The following PTPRD variants were observed in gnomAD, a reference collection of about 807,000 sequenced individuals.
PTPRD encodes the protein protein tyrosine phosphatase receptor type D, also known as receptor-type tyrosine-protein phosphatase delta.
PTPRD carries 34 observed loss-of-function variants against 214.5 expected under a neutral mutation model. The ratio of observed to expected loss-of-function variants is 0.16; its 90% CI spans 0.12 to 0.21. PTPRD has a LOEUF of 0.21. PTPRD is among the 10% of genes least tolerant of loss of function. The pLI is 1.00. For synonymous variants in PTPRD, 1,128 were observed against 845.7 expected (o/e 1.33, Z -5.79); for missense variants, 2,545 against 2,398.7 (o/e 1.06, Z -1.27).
At chr9:10,339,741 C>G (rs1023629043) in intron 3 of PTPRD, among the ~76,000 whole-genome samples, 1 of 151,646 alleles carries the variant, frequency 6.6e-6, no homozygotes, top group Non-Finnish European at 1.5e-5. Context: ...AACAGGAAAC[C>G]TTGGTCTCAT....
chr9:8,444,035 C>T (rs544386874), intron 34 of PTPRD, among the ~76,000 whole-genome samples: 1 of 152,080 alleles, frequency 6.6e-6, no homozygotes, highest in Middle Eastern at 3.4e-3. Context: ...TTTGAAAAGT[C>T]TGTAATTGGG....
chr9:9,928,744 A>ATC (rs202188021), intron 5 of PTPRD, among the ~76,000 whole-genome samples: 1 of 137,922 alleles, frequency 7.3e-6, no homozygotes, highest in East Asian at 2.3e-4. Context: ...AGTAGCAGTC[A>ATC]TCTCTCTCTC....
intron 14 of PTPRD, among the ~76,000 whole-genome samples, chr9:8,573,981 C>G (rs1401886991): frequency 1.3e-5 from 2 of 151,840 alleles, no homozygotes; most frequent in Non-Finnish European, 2.9e-5. Flanking sequence ...ATTATTCATC[C>G]TTGTATTTTC....
intron 2 of PTPRD, among the ~76,000 whole-genome samples, chr9:10,421,751 T>A (rs545984229): frequency 1.3e-5 from 2 of 152,060 alleles, no homozygotes; most frequent in South Asian, 4.1e-4. Context: ...TTATTTTCGT[T>A]TACTTTATTA....
intron 2 of PTPRD, among the ~76,000 whole-genome samples, chr9:10,568,786 G>C (rs1782030349): frequency 6.6e-6 from 1 of 152,118 alleles, no homozygotes; most frequent in Non-Finnish European, 1.5e-5. Flanking sequence ...ACGGATTAAA[G>C]ACTTAAACGT....
At chr9:9,641,011 G>A (rs990034277) in intron 7 of PTPRD, among the ~76,000 whole-genome samples, 5 of 114,394 alleles carry the variant, frequency 4.4e-5, no homozygotes, top group Non-Finnish European at 6.6e-5. Context: ...ACCTCATATT[G>A]GCAATGCTGG....
intron 9 of PTPRD, among the ~76,000 whole-genome samples, chr9:9,218,390 C>G (rs2099953659): frequency 6.6e-6 from 1 of 152,244 alleles, no homozygotes. Flanking sequence ...AGACTAGTGG[C>G]CATTAGATGA....
chr9:9,759,809 G>T (rs181865661), intron 6 of PTPRD, among the ~76,000 whole-genome samples: 1 of 151,840 alleles, frequency 6.6e-6, no homozygotes. Flanking sequence ...CCCCTGCCTC[G>T]GGCTCCCAAA....
At chr9:9,624,761 C>A (rs2095364631) in intron 7 of PTPRD, among the ~76,000 whole-genome samples, 1 of 151,032 alleles carries the variant, frequency 6.6e-6, no homozygotes, top group Admixed American at 6.6e-5. Context: ...TTCCAGCAGT[C>A]TCAGTTCTCA....
intron 9 of PTPRD, among the ~76,000 whole-genome samples, chr9:9,326,693 A>C (rs1391445501): frequency 6.6e-6 from 1 of 152,118 alleles, no homozygotes; most frequent in Non-Finnish European, 1.5e-5. Context: ...TGAATCCTGA[A>C]ATAAACTAGA....
chr9:9,251,456 T>C (rs548030316), intron 9 of PTPRD, among the ~76,000 whole-genome samples: 3 of 152,242 alleles, frequency 2.0e-5, no homozygotes, highest in East Asian at 3.9e-4. Flanking sequence ...CTTTATTTGG[T>C]AATTCCTTCT....
intron 36 of PTPRD, among the ~76,000 whole-genome samples, chr9:8,393,149 T>C (rs1034968702): frequency 1.3e-5 from 2 of 152,148 alleles, no homozygotes; most frequent in Non-Finnish European, 2.9e-5. Context: ...GGTGACTTTC[T>C]CTAAGTAGTG....
intron 2 of PTPRD, among the ~76,000 whole-genome samples, chr9:10,519,356 T>C (rs1051861851): frequency 1.4e-5 from 2 of 148,058 alleles, no homozygotes; most frequent in Non-Finnish European, 3.0e-5. Flanking sequence ...TTTCATTAAA[T>C]ATATATGTAC....
At chr9:8,765,443 C>T (rs2094659387) in intron 11 of PTPRD, among the ~76,000 whole-genome samples, 2 of 152,170 alleles carry the variant, frequency 1.3e-5, no homozygotes, top group Non-Finnish European at 1.5e-5. Context: ...TTAGGCAGCC[C>T]GTGGACAGCC....
chr9:8,614,113 C>T (rs184641251), intron 14 of PTPRD, among the ~76,000 whole-genome samples: 79 of 152,128 alleles, frequency 5.2e-4, no homozygotes, highest in African/African-American at 1.7e-3. Context: ...ATGATTAATA[C>T]ATTATTGGTA....
intron 2 of PTPRD, among the ~76,000 whole-genome samples, chr9:10,444,762 G>T (rs1312917786): frequency 6.6e-6 from 1 of 151,702 alleles, no homozygotes; most frequent in African/African-American, 2.4e-5. Flanking sequence ...TGTAATAAAA[G>T]TGTATCATGA....
At chr9:8,576,631 C>CAAAAAAAAA (rs71317371) in intron 14 of PTPRD, among the ~76,000 whole-genome samples, 1 of 115,998 alleles carries the variant, frequency 8.6e-6, no homozygotes. Flanking sequence ...GCTAATGCAG[C>CAAAAAAAAA]AAAAAAAAAA....
Position 8,500,905 on chromosome 9 carries a change from A to G in PTPRD, c.1977T>C (p.Pro659=), listed in dbSNP as rs1389223539. The change falls in exon 24 of 46, where the codon CCT becomes CCC. Residue 659 remains proline, a synonymous_variant. Coordinates refer to ENST00000381196, the MANE Select transcript of PTPRD (RefSeq NM_002839.4). The part of the protein sequence containing the change: ...YTAVDGEDDK[P]HEILGIPSDT... The stretch of plus-strand genomic sequence containing the variant: ...CCGAAGGAATTCCCAAAATCTCGTG[A>G]GGCTTGTCATCTTCCCCATCCACTG... 2 of 1,614,160 alleles carry G rather than the reference A, an allele frequency of 1.2e-6. No individual in the cohort carries two copies. The highest frequency in any genetic ancestry group is 2.2e-5 in the East Asian group (1 of 44,876).
At chr9:8,514,989 C>T (rs533085557) in intron 21 of PTPRD, among the ~76,000 whole-genome samples, 1 of 152,328 alleles carries the variant, frequency 6.6e-6, no homozygotes, top group South Asian at 2.1e-4. Flanking sequence ...CCTTGCTTCC[C>T]CTTCACCTTC....
Sources: allele counts gnomAD v4.1 joint callset (sites outside exome capture counted in the v4.1 genomes callset), GRCh38; gene constraint gnomAD v4.1.1; transcripts MANE v1.5; gene names NCBI Gene and HGNC (gene_info 2026-07-23, HGNC 2026-07-21).